Variants in MACROD2 observed in about 807,000 individuals in gnomAD.
MACROD2 encodes the protein mono-ADP ribosylhydrolase 2.
A neutral mutation model predicts 70.4 loss-of-function variants in MACROD2; 36 were observed. That is an observed-to-expected ratio of 0.51 (90% CI 0.39 to 0.68). MACROD2 has a LOEUF of 0.68. Among genes scored for constraint, MACROD2 ranks in the 30% least tolerant of loss-of-function variants. The probability of loss-of-function intolerance (pLI) is 0.00; values close to 1 mark genes in which losing one functional copy is unlikely to be tolerated. For synonymous variants in MACROD2, 172 were observed against 178.8 expected, an observed-to-expected ratio of 0.96 and a Z score of 0.30; for missense variants, 496 against 538.4, an observed-to-expected ratio of 0.92 and a Z score of 0.78.
chr20:14,419,593 C>T lies in MACROD2; in HGVS notation c.272-73886C>T, dbSNP rs186860974. 3.4e-4 allele frequency among the ~76,000 whole-genome samples: 52 copies of T among 152,164 alleles called. No individual in the cohort carries two copies. In the East Asian group the frequency reaches 7.0e-3, roughly 20 times the overall value. On this transcript the variant is annotated intron_variant, in intron 3 of 17. Coordinates refer to ENST00000684519, the MANE Select transcript of MACROD2 (RefSeq NM_001351661.2). ...CTCTAGCTGCTATGTGTATTTAGAC[C>T]TACCTTTATTGTAAAATATTTTAAA...
At position 14,677,038 on chromosome 20, in the gene MACROD2, T is replaced by G. The variant is rs115118772; in HGVS notation, c.302-7805T>G. On this transcript the variant is annotated intron_variant, in intron 4 of 17. Coordinates refer to ENST00000684519, the MANE Select transcript of MACROD2 (RefSeq NM_001351661.2). ...TTTTTATTTTCTGATAGCTCTACAT[T>G]CATTACTGTACAGTACCTGATACGT... 5.3e-3 allele frequency among the ~76,000 whole-genome samples: 810 copies of G among 152,300 alleles called. 16 individuals carry two copies. Among genetic ancestry groups the G allele is most frequent in the African/African-American group, 0.018 (768 of 41,572 alleles).
chr20:14,950,560 G>A (rs2074467538), intron 5 of MACROD2, among the ~76,000 whole-genome samples: 1 of 152,166 alleles, frequency 6.6e-6, no homozygotes, highest in African/African-American at 2.4e-5. Flanking sequence ...TAGAGACATA[G>A]GCAAGCCCAC....
chr20:15,010,152 A>C (rs900561378), intron 5 of MACROD2, among the ~76,000 whole-genome samples: 1 of 152,216 alleles, frequency 6.6e-6, no homozygotes, highest in African/African-American at 2.4e-5. Flanking sequence ...GAAGAAAAAG[A>C]GTTTTTTGAA....
At chr20:15,957,541 C>G (rs1160724710) in intron 12 of MACROD2, among the ~76,000 whole-genome samples, 1 of 152,176 alleles carries the variant, frequency 6.6e-6, no homozygotes, top group Non-Finnish European at 1.5e-5. Context: ...CTCTTGGTCC[C>G]TGCTCAATGC....
chr20:15,820,058 A>G (rs531351663), intron 8 of MACROD2, among the ~76,000 whole-genome samples: 3 of 152,128 alleles, frequency 2.0e-5, no homozygotes, highest in African/African-American at 7.2e-5. Flanking sequence ...TTTTTTAAGC[A>G]GCTCTTTAAA....
chr20:15,082,529 T>TG lies in MACROD2; in HGVS notation c.419-147411_419-147410insG, dbSNP rs1486449623. 5.5e-4 allele frequency among the ~76,000 whole-genome samples: 75 copies of TG among 136,186 alleles called. 1 individual carries two copies. Among genetic ancestry groups the TG allele is most frequent in the Non-Finnish European group, 1.3e-4 (8 of 62,356 alleles). The allele number at this position is 136,186 out of a possible 152,430, so 89.3% of individuals were successfully genotyped here. A position where few individuals can be genotyped will look rare whatever the true frequency, so the allele number is the denominator to read the frequency against. ...CAATGTCACACTGCAAGAGGTTTTT[T>TG]TTTTTTTTTTTTTTTTTCCTAAGCT... On this transcript the variant is annotated intron_variant, in intron 5 of 17. Transcript: ENST00000684519.
chr20:14,387,170 TTC>T (rs1356584702), intron 3 of MACROD2, among the ~76,000 whole-genome samples: 1 of 152,248 alleles, frequency 6.6e-6, no homozygotes, highest in African/African-American at 2.4e-5. Context: ...CAGGAGTAGT[TTC>T]TCTTTTACCT....
rs950750850 is a variant in MACROD2 at position 14,757,871 on chromosome 20, C to G, written c.418+72912C>G. ...TAGCCGTCCAGGGACTGGCAGGCCTCGGCCTAAAGGTCTGAAGGGTGAGTG... is the reference window on the plus strand; with the variant it reads ...TAGCCGTCCAGGGACTGGCAGGCCTGGGCCTAAAGGTCTGAAGGGTGAGTG... On this transcript the variant is annotated intron_variant, in intron 5 of 17. Coordinates refer to ENST00000684519, the MANE Select transcript of MACROD2 (RefSeq NM_001351661.2). The G allele has an allele frequency of 4.0e-6, 6 of 1,485,594 alleles. No individual in the cohort carries two copies. In the Admixed American group the frequency reaches 1.0e-4, roughly 25 times the overall value. The allele number at this position is 1,485,594 out of a possible 1,614,324, so 92.0% of individuals were successfully genotyped here.
At chr20:14,965,773 A>T (rs1361528338) in intron 5 of MACROD2, among the ~76,000 whole-genome samples, 1 of 151,892 alleles carries the variant, frequency 6.6e-6, no homozygotes, top group African/African-American at 2.4e-5. Context: ...TGGCCTTAAT[A>T]TATATTTTTA....
chr20:15,021,532 A>G (rs1480045361), intron 5 of MACROD2: 1 of 151,044 alleles, frequency 6.6e-6, no homozygotes, highest in African/African-American at 2.4e-5. Context: ...ATATATATAC[A>G]TATGTATATA....
At chr20:15,530,153 G>GAGGGA (rs2047777104) in intron 8 of MACROD2, among the ~76,000 whole-genome samples, 1 of 152,292 alleles carries the variant, frequency 6.6e-6, no homozygotes, top group African/African-American at 2.4e-5. Flanking sequence ...TTGGCCATAT[G>GAGGGA]TAGAATTAGC....
At chr20:15,210,475 C>A (rs1458285586) in intron 5 of MACROD2, among the ~76,000 whole-genome samples, 1 of 151,960 alleles carries the variant, frequency 6.6e-6, no homozygotes, top group Non-Finnish European at 1.5e-5. Flanking sequence ...GTTCAAGCAG[C>A]CATCCACCAT....
At chr20:15,459,865 C>T (rs776464394) in intron 7 of MACROD2, among the ~76,000 whole-genome samples, 4 of 151,722 alleles carry the variant, frequency 2.6e-5, no homozygotes, top group Non-Finnish European at 5.9e-5. Context: ...CTTTTGGGGG[C>T]CACCCTTCTC....
Position 14,239,430 on chromosome 20 carries a change from A to G in MACROD2, c.271+153702A>G, listed in dbSNP as rs79047018. 8.7e-3 allele frequency among the ~76,000 whole-genome samples: 1,320 copies of G among 152,322 alleles called. 5 individuals are homozygous for G. The highest frequency in any genetic ancestry group is 0.015 in the South Asian group (72 of 4,830). On this transcript the variant is annotated intron_variant, in intron 3 of 17. Transcript: ENST00000684519. Reference sequence around the variant, plus strand: ...TTCAATAACCAAGGCAATCCTAAGCAAAAAGAAATGCTGGAGACATTTTCT... The same window carrying G: ...TTCAATAACCAAGGCAATCCTAAGCGAAAAGAAATGCTGGAGACATTTTCT...
intron 5 of MACROD2, among the ~76,000 whole-genome samples, chr20:14,827,449 A>C (rs181081445): frequency 1.3e-5 from 2 of 152,140 alleles, no homozygotes; most frequent in Non-Finnish European, 2.9e-5. Context: ...CTTTGTTTAC[A>C]TGGTACGTGG....
At chr20:14,206,128 C>T (rs1038045413) in intron 3 of MACROD2, among the ~76,000 whole-genome samples, 5 of 152,266 alleles carry the variant, frequency 3.3e-5, no homozygotes, top group African/African-American at 7.2e-5. Flanking sequence ...ATGCTATTGA[C>T]ATTCAGTGGA....
At chr20:14,098,825 CAA>C (rs1555919216) in intron 3 of MACROD2, among the ~76,000 whole-genome samples, 1 of 152,152 alleles carries the variant, frequency 6.6e-6, no homozygotes, top group Non-Finnish European at 1.5e-5. Context: ...CAAAAGTCAT[CAA>C]AGTCAAAAGT....
At chr20:15,245,823 A>G (rs936393789) in intron 6 of MACROD2, among the ~76,000 whole-genome samples, 5 of 152,226 alleles carry the variant, frequency 3.3e-5, no homozygotes, top group African/African-American at 1.2e-4. Context: ...TGCATTTTCA[A>G]CTTACCATGG....
At chr20:14,027,238 G>A (rs764030138) in intron 2 of MACROD2, among the ~76,000 whole-genome samples, 13 of 151,474 alleles carry the variant, frequency 8.6e-5, no homozygotes, top group Non-Finnish European at 1.6e-4. Flanking sequence ...CCTTTCTTCC[G>A]CTTGATCGAT....
Sources: allele counts gnomAD v4.1 joint callset (sites outside exome capture counted in the v4.1 genomes callset), GRCh38; gene constraint gnomAD v4.1.1; transcripts MANE v1.5; gene names NCBI Gene and HGNC (gene_info 2026-07-23, HGNC 2026-07-21).